Variants in TAF4B observed in about 807,000 individuals in gnomAD.
The protein encoded by TAF4B is transcription initiation factor TFIID subunit 4B.
A neutral mutation model predicts 86.4 loss-of-function variants in TAF4B; 38 were observed. The ratio of observed to expected loss-of-function variants is 0.44; its 90% CI spans 0.34 to 0.58. TAF4B has a LOEUF of 0.58. Among genes scored for constraint, TAF4B ranks in the 20% least tolerant of loss-of-function variants. The probability of loss-of-function intolerance (pLI) is 0.02; values close to 1 mark genes in which losing one functional copy is unlikely to be tolerated. For synonymous variants in TAF4B, 388 were observed against 391.2 expected (o/e 0.99, Z 0.10); for missense variants, 988 against 1,027.6 (o/e 0.96, Z 0.53).
intron 14 of TAF4B, among the ~76,000 whole-genome samples, chr18:26,363,583 C>T (rs2057347440): frequency 6.6e-6 from 1 of 151,792 alleles, no homozygotes; most frequent in African/African-American, 2.4e-5. Flanking sequence ...GAGGAGAGAG[C>T]CCTATTGCAT....
chr18:26,236,014 A>G (rs2055742777), intron 1 of TAF4B, among the ~76,000 whole-genome samples: 1 of 152,154 alleles, frequency 6.6e-6, no homozygotes, highest in African/African-American at 2.4e-5. Context: ...ATTGCCTTTG[A>G]TAAGGAAAAG....
At chr18:26,273,962 T>A (rs1441437116) in intron 3 of TAF4B, among the ~76,000 whole-genome samples, 1 of 152,202 alleles carries the variant, frequency 6.6e-6, no homozygotes, top group African/African-American at 2.4e-5. Flanking sequence ...TTTTATTATG[T>A]TCTGTAACTT....
rs2056222846 is a variant in TAF4B at position 26,265,239 on chromosome 18, C to G, written c.413C>G (p.Ala138Gly). The change falls in exon 2 of 15, where the codon GCC (alanine) becomes GGC (glycine). Residue 138 changes from alanine (A) to glycine (G), a missense_variant. Physicochemically the swap from Ala to Gly is moderately conservative, Grantham distance 60. Around this residue, in one of 3 missense-constraint regions of TAF4B, gnomAD observed 747 missense variants for 737.9 expected, o/e 1.01. Coordinates refer to ENST00000269142, the MANE Select transcript of TAF4B (RefSeq NM_005640.3). ...LVSPQQTVTR[A>G]ETTSNITSRP... ...TCTCCTCAGCAAACTGTAACAAGAGCCGAGACCACAAGTAACATAACCTCA... is the reference window on the plus strand; with the variant it reads ...TCTCCTCAGCAAACTGTAACAAGAGGCGAGACCACAAGTAACATAACCTCA... 1.2e-6 allele frequency: 2 copies of G among 1,613,882 alleles called. No homozygotes were observed. Among genetic ancestry groups the G allele is most frequent in the South Asian group, 2.2e-5 (2 of 91,082 alleles).
intron 1 of TAF4B, among the ~76,000 whole-genome samples, chr18:26,263,342 A>G (rs888240097): frequency 6.6e-6 from 1 of 152,222 alleles, no homozygotes; most frequent in Admixed American, 6.5e-5. Context: ...AGTTAGTTGT[A>G]CTAAATTGTA....
chr18:26,334,717 A>C (rs548202145), intron 12 of TAF4B, among the ~76,000 whole-genome samples: 1 of 152,328 alleles, frequency 6.6e-6, no homozygotes, highest in African/African-American at 2.4e-5. Flanking sequence ...CTTTAAAGAG[A>C]GATTTGGTTC....
intron 13 of TAF4B, among the ~76,000 whole-genome samples, chr18:26,351,962 C>T (rs2057249236): frequency 1.3e-5 from 2 of 152,056 alleles, no homozygotes; most frequent in Admixed American, 6.6e-5. Context: ...AATATTGATG[C>T]TGAGCAGATT....
intron 3 of TAF4B, among the ~76,000 whole-genome samples, chr18:26,268,327 G>C (rs111875171): frequency 6.6e-6 from 1 of 152,092 alleles, no homozygotes; most frequent in African/African-American, 2.4e-5. Flanking sequence ...CATGGTTTTC[G>C]TCTTTGGGGA....
chr18:26,302,371 ATTTTTTT>A (rs66683595), intron 9 of TAF4B, among the ~76,000 whole-genome samples: 5 of 93,074 alleles, frequency 5.4e-5, no homozygotes, highest in South Asian at 3.8e-4. Flanking sequence ...TTCATATTAA[ATTTTTTT>A]TTTTTTTTTT....
At chr18:26,318,859 G>T (rs776897354) in intron 10 of TAF4B, among the ~76,000 whole-genome samples, 10 of 152,190 alleles carry the variant, frequency 6.6e-5, no homozygotes, top group Non-Finnish European at 1.3e-4. Flanking sequence ...TATGTTGGAT[G>T]AATTACCTCT....
At chr18:26,229,747 C>T (rs1040113000) in intron 1 of TAF4B, among the ~76,000 whole-genome samples, 2 of 152,098 alleles carry the variant, frequency 1.3e-5, no homozygotes, top group African/African-American at 4.8e-5. Context: ...AAGTGATCAG[C>T]CTGCTTCGGT....
rs764339786 is a variant in TAF4B at position 26,327,046 on chromosome 18, C to G, written c.2165C>G (p.Thr722Ser). Residue 722 changes from threonine to serine, a missense_variant, in exon 12 of 15, where the codon ACC (threonine) becomes AGC (serine). Physicochemically the swap from Thr to Ser is moderately conservative, Grantham distance 58. Transcript: ENST00000269142. ...ASENYILCSD[T>S]RSQLKFLEKL... The stretch of plus-strand genomic sequence containing the variant: ...GAAAATTACATCCTGTGTAGTGATA[C>G]CAGGTCACAGCTCAAATTTCTTGAA... 3.1e-5 allele frequency: 50 copies of G among 1,613,268 alleles called. No individual in the cohort carries two copies. In the Middle Eastern group the frequency reaches 1.6e-3, roughly 53 times the overall value.
At chr18:26,313,586 G>A (rs1298487456) in intron 9 of TAF4B, among the ~76,000 whole-genome samples, 1 of 151,612 alleles carries the variant, frequency 6.6e-6, no homozygotes, top group Non-Finnish European at 1.5e-5. Flanking sequence ...TTAATTTTGA[G>A]CTTTTGGTAT....
intron 13 of TAF4B, among the ~76,000 whole-genome samples, chr18:26,338,293 CA>C (rs1218547473): frequency 4.0e-5 from 6 of 151,488 alleles, no homozygotes; most frequent in East Asian, 2.0e-4. Flanking sequence ...ACTAAAAATA[CA>C]AAAAATTAGC....
At chr18:26,372,419 A>G in intron 14 of TAF4B, among the ~76,000 whole-genome samples, 2 of 152,182 alleles carry the variant, frequency 1.3e-5, no homozygotes, top group East Asian at 3.8e-4. Context: ...GAGCAAATCT[A>G]TACAATCCCT....
chr18:26,329,958 C>G (rs928006690), intron 12 of TAF4B, among the ~76,000 whole-genome samples: 3 of 152,206 alleles, frequency 2.0e-5, no homozygotes, highest in Admixed American at 1.3e-4. Context: ...GCACATGCCA[C>G]CACACCTGGA....
At chr18:26,331,637 G>A (rs181402780) in intron 12 of TAF4B, among the ~76,000 whole-genome samples, 1 of 152,130 alleles carries the variant, frequency 6.6e-6, no homozygotes, top group East Asian at 1.9e-4. Context: ...GAAAAACATA[G>A]GCATCATCTT....
chr18:26,367,524 T>C (rs1216954520), intron 14 of TAF4B, among the ~76,000 whole-genome samples: 5 of 152,156 alleles, frequency 3.3e-5, no homozygotes, highest in African/African-American at 1.2e-4. Flanking sequence ...CCTCAACTGA[T>C]TGGGTCATGC....
At chr18:26,298,629 C>A (rs568336257) in intron 9 of TAF4B, among the ~76,000 whole-genome samples, 5 of 152,146 alleles carry the variant, frequency 3.3e-5, no homozygotes, top group Non-Finnish European at 5.9e-5. Context: ...GACTCCTGAG[C>A]TTAAGCGACC....
At chr18:26,303,451 C>T (rs1375477622) in intron 9 of TAF4B, among the ~76,000 whole-genome samples, 39 of 61,626 alleles carry the variant, frequency 6.3e-4, no homozygotes, top group South Asian at 1.6e-3. Context: ...ACTTTCATAC[C>T]CCCTCCACTT....
Sources: allele counts gnomAD v4.1 joint callset (sites outside exome capture counted in the v4.1 genomes callset), GRCh38; gene constraint gnomAD v4.1.1; regional missense constraint gnomAD v4.1.1; transcripts MANE v1.5; gene names NCBI Gene and HGNC (gene_info 2026-07-23, HGNC 2026-07-21).